FMOD: variants seen among roughly 807,000 people sequenced by gnomAD.
The protein encoded by FMOD is KSPG fibromodulin.
In FMOD, 15 loss-of-function variants were observed where a neutral mutation model predicts 27.0. The ratio of observed to expected loss-of-function variants is 0.55; its 90% CI spans 0.37 to 0.85. FMOD has a LOEUF of 0.85. FMOD is among the 40% of genes least tolerant of loss of function. The pLI is 0.00. For missense variants in FMOD, 460 were observed against 483.2 expected (o/e 0.95, Z 0.45); for synonymous variants, 210 against 214.0 (o/e 0.98, Z 0.16).
intron 2 of FMOD, among the ~76,000 whole-genome samples, chr1:203,343,565 G>A (rs1658835932): frequency 6.6e-6 from 1 of 152,248 alleles, no homozygotes; most frequent in Non-Finnish European, 1.5e-5. Context: ...TGGGTCTTGA[G>A]GGTAGGATTG....
chr1:203,345,912 A>AAG (rs3051538), intron 2 of FMOD, among the ~76,000 whole-genome samples: 1 of 150,392 alleles, frequency 6.6e-6, no homozygotes, highest in Non-Finnish European at 1.5e-5. Flanking sequence ...AAAAAAAAAA[A>AAG]GACGTCTTAG....
intron 1 of FMOD, among the ~76,000 whole-genome samples, chr1:203,349,950 C>T (rs557553803): frequency 3.3e-5 from 5 of 152,370 alleles, no homozygotes; most frequent in Middle Eastern, 3.4e-3. Context: ...ACTGCCTGGG[C>T]AAGCTGGCTG....
At position 203,341,485 on chromosome 1, in the gene FMOD, G is replaced by A. The variant is rs1658794287; in HGVS notation, c.*858C>T. ...TGCTTTCTCAACTCAGCCAATTTGA[G>A]GTGTGTTTGGCCCATTGCAGATGCT... On this transcript the variant is annotated 3_prime_UTR_variant, in exon 3 of 3. Coordinates refer to ENST00000354955, the MANE Select transcript of FMOD (RefSeq NM_002023.5). The A allele has an allele frequency of 6.6e-6, 1 of 152,162 alleles. No individual in the cohort carries two copies. Among genetic ancestry groups the A allele is most frequent in the African/African-American group, 2.4e-5 (1 of 41,426 alleles). 9.4% of individuals were successfully genotyped at this position (152,162 alleles called of 1,614,324 possible). A position where few individuals can be genotyped will look rare whatever the true frequency, so the allele number is the denominator to read the frequency against.
intron 2 of FMOD, among the ~76,000 whole-genome samples, chr1:203,343,611 G>A (rs564163741): frequency 2.6e-5 from 4 of 152,330 alleles, no homozygotes; most frequent in African/African-American, 7.2e-5. Flanking sequence ...TAATACTTGG[G>A]TAGACCCAGA....
chr1:203,342,778 A>T (rs76819192), intron 2 of FMOD, among the ~76,000 whole-genome samples: 1 of 146,300 alleles, frequency 6.8e-6, no homozygotes, highest in East Asian at 2.0e-4. Context: ...CCTCTGGGAC[A>T]TTTTTTTTTT....
intron 1 of FMOD, 111 bp from the exon 2 acceptor site, chr1:203,348,388 T>C (rs1207488070): frequency 3.6e-6 from 4 of 1,120,396 alleles, no homozygotes; most frequent in Non-Finnish European, 3.8e-6. Flanking sequence ...CTGACTTCCA[T>C]GTCAAACATC....
In FMOD at chr1:203,342,226, G is replaced by T; in HGVS notation, c.*117C>A. 1 of 1,290,176 alleles carries T rather than the reference G, an allele frequency of 7.8e-7. No individual in the cohort carries two copies. Among genetic ancestry groups the T allele is most frequent in the Non-Finnish European group, 1.1e-6 (1 of 941,906 alleles). The allele number at this position is 1,290,176 out of a possible 1,614,324, so 79.9% of individuals were successfully genotyped here. A position where few individuals can be genotyped will look rare whatever the true frequency, so the allele number is the denominator to read the frequency against. ...CACCTACAGGAAAGAAGACTACAGA[G>T]GGTGCCCGTGGACTTCTGTCACATG... On this transcript the variant is annotated 3_prime_UTR_variant, in exon 3 of 3. Transcript: ENST00000354955.
chr1:203,347,015 C>T (rs1226053181), intron 2 of FMOD, among the ~76,000 whole-genome samples: 1 of 152,174 alleles, frequency 6.6e-6, no homozygotes, highest in Non-Finnish European at 1.5e-5. Context: ...TACCCCCAAC[C>T]CATGCCCACT....
At position 203,348,987 on chromosome 1, in the gene FMOD, A is replaced by T. The variant is rs35748853; in HGVS notation, c.-7-710T>A. Among the ~76,000 whole-genome samples, 171 of 152,380 alleles carry T rather than the reference A, an allele frequency of 1.1e-3. 1 individual carries two copies. Among genetic ancestry groups the T allele is most frequent in the East Asian group, 0.01 (53 of 5,192 alleles). On this transcript the variant is annotated intron_variant, in intron 1 of 2. Coordinates refer to ENST00000354955, the MANE Select transcript of FMOD (RefSeq NM_002023.5). ...ACTGGTTAGCAGTTTGTGGCTACAC[A>T]TGCAACTTGGCTGGGACAGGGTCTT...
At chr1:203,345,132 G>A (rs918428211) in intron 2 of FMOD, among the ~76,000 whole-genome samples, 4 of 152,218 alleles carry the variant, frequency 2.6e-5, no homozygotes, top group Non-Finnish European at 4.4e-5. Flanking sequence ...GGCTGAGAGA[G>A]ACTAAGTGAT....
intron 2 of FMOD, among the ~76,000 whole-genome samples, chr1:203,344,539 A>C (rs925290831): frequency 6.6e-6 from 1 of 152,186 alleles, no homozygotes; most frequent in Non-Finnish European, 1.5e-5. Context: ...TGAATCCCAA[A>C]GCTTCTGAAT....
intron 2 of FMOD, among the ~76,000 whole-genome samples, chr1:203,343,701 C>T (rs3766914): frequency 5.3e-5 from 8 of 151,924 alleles, no homozygotes; most frequent in South Asian, 2.1e-4. Flanking sequence ...GGGCCAGGCA[C>T]GAGGAGTGGG....
In FMOD at chr1:203,348,244, C is replaced by T. The variant is rs750237487; in HGVS notation, c.27G>A (p.Leu9=). 1.7e-5 allele frequency: 28 copies of T among 1,613,818 alleles called. No individual in the cohort carries two copies. The South Asian group carries it at 2.3e-4, about 13-fold the overall frequency. ...CCTGGGAGAGGGAGAAGAGCCCTGC[C>T]AGCAGCAGGAGGGAGGTCCACTGCA... MQWTSLLL[L]AGLFSLSQAQ... The change falls in exon 2 of 3, where the codon CTG becomes CTA. Residue 9 remains leucine (L), a synonymous_variant. Coordinates refer to ENST00000354955, the MANE Select transcript of FMOD (RefSeq NM_002023.5).
Position 203,345,330 on chromosome 1 carries a change from T to G in FMOD, c.979+1962A>C, listed in dbSNP as rs58711618. Among the ~76,000 whole-genome samples the G allele has an allele frequency of 9.8e-3, 1,499 of 152,332 alleles. 28 individuals carry two copies. Among genetic ancestry groups the G allele is most frequent in the African/African-American group, 0.035 (1,437 of 41,578 alleles). ...TTTGAGTGGCAGATGTGGTTCTGCA[T>G]GAAGGCAGAACGATGATAAAAGGTT... On this transcript the variant is annotated intron_variant, in intron 2 of 2. Transcript: ENST00000354955.
At chr1:203,343,089 C>A (rs1658825698) in intron 2 of FMOD, among the ~76,000 whole-genome samples, 1 of 152,214 alleles carries the variant, frequency 6.6e-6, no homozygotes, top group Admixed American at 6.5e-5. Context: ...GAGCAAGGCT[C>A]TGAGTTTAAA....
intron 1 of FMOD, among the ~76,000 whole-genome samples, chr1:203,348,554 A>AC (rs1558193837): frequency 6.7e-6 from 1 of 148,548 alleles, no homozygotes; most frequent in East Asian, 2.0e-4. Context: ...GAACAGCTGC[A>AC]TTTTTTTTTT....
intron 2 of FMOD, among the ~76,000 whole-genome samples, chr1:203,343,718 G>T (rs1658839688): frequency 6.6e-6 from 1 of 152,170 alleles, no homozygotes; most frequent in Non-Finnish European, 1.5e-5. Context: ...TGGGGGCAGG[G>T]GGTGCTTTTC....
Position 203,347,886 on chromosome 1 carries a change from T to C in FMOD, c.385A>G (p.Thr129Ala). Residue 129 changes from threonine to alanine, a missense_variant, in exon 2 of 3, where the codon ACA (threonine) becomes GCA (alanine). Transcript: ENST00000354955. ...SIQEGVFDNATGLLWIALHGN... is the reference protein window; with the variant it reads ...SIQEGVFDNAAGLLWIALHGN... ...TGGAGAGCAATCCAGAGCAGCCCTG[T>C]GGCATTGTCAAAGACGCCTTCCTGG... 1 of 1,613,972 alleles carries C rather than the reference T, an allele frequency of 6.2e-7. No homozygotes were observed. The highest frequency in any genetic ancestry group is 8.5e-7 in the Non-Finnish European group (1 of 1,179,894).
At chr1:203,347,233 A>T in intron 2 of FMOD, 59 bp downstream of exon 2, 1 of 1,539,502 alleles carries the variant, frequency 6.5e-7, no homozygotes, top group Non-Finnish European at 8.7e-7. Context: ...AGCACTCAGA[A>T]TAGTGTCTTT....
Sources: gnomAD v4.1 joint callset for allele counts (sites outside exome capture counted in the v4.1 genomes callset) on GRCh38, gnomAD v4.1.1 for gene constraint, MANE v1.5 for transcripts, NCBI Gene and HGNC (gene_info 2026-07-23, HGNC 2026-07-21) for gene names.